The following TMEM92 variants were observed in gnomAD, a reference collection of about 807,000 sequenced individuals.
TMEM92 encodes transmembrane protein 92.
A neutral mutation model predicts 14.6 loss-of-function variants in TMEM92; 15 were observed. The observed-to-expected ratio is 1.03, with a 90% CI of 0.69 to 1.58. The LOEUF (loss-of-function observed/expected upper bound fraction) is 1.58. Among genes scored for constraint, TMEM92 ranks in the 40% most tolerant of loss-of-function variants. TMEM92 has a pLI of 0.00. For synonymous variants in TMEM92, 85 were observed against 83.3 expected, an observed-to-expected ratio of 1.02 and a Z score of -0.11; for missense variants, 174 against 202.4, an observed-to-expected ratio of 0.86 and a Z score of 0.85.
At chr17:50,278,466 T>G in intron 2 of TMEM92, 90 bp from the exon 3 acceptor site, 12 of 1,414,162 alleles carry the variant, frequency 8.5e-6, no homozygotes, top group East Asian at 2.3e-5. Flanking sequence ...ATGAGCATCT[T>G]GGGTGTATTT....
Position 50,278,557 on chromosome 17 carries a change from GCCTGC to G in TMEM92, c.100_104del (p.Cys34GlnfsTer8). On this transcript the variant is annotated frameshift_variant and splice_region_variant, in exon 3 of 5. Coordinates refer to ENST00000507382, the MANE Select transcript of TMEM92 (RefSeq NM_153229.3). LOFTEE classifies it high-confidence loss of function. ...CCCTTTTCTGTGCCCTCTGACCAGT[GCCTGC>G]CCCAAAGGATTCAAATGCTGTGGTG... is the stretch of plus-strand genomic sequence containing the variant. 6.2e-7 allele frequency: 1 copy of G among 1,613,988 alleles called. No individual in the cohort carries two copies. The highest frequency in any genetic ancestry group is 2.2e-5 in the East Asian group (1 of 44,856).
chr17:50,276,792 G>C (rs138490328), intron 1 of TMEM92, among the ~76,000 whole-genome samples: 16 of 152,256 alleles, frequency 1.1e-4, no homozygotes, highest in Non-Finnish European at 2.2e-4. Context: ...CTGCCCTCGC[G>C]GAGTTTGCCT....
chr17:50,278,378 A>T (rs955977406), intron 2 of TMEM92, among the ~76,000 whole-genome samples, 178 bp from the exon 3 acceptor site: 2 of 152,048 alleles, frequency 1.3e-5, no homozygotes, highest in African/African-American at 4.8e-5. Context: ...ACAAGTGCAC[A>T]CGCCCTTCCC....
chr17:50,278,662 T>G, intron 3 of TMEM92, 32 bp downstream of exon 3: 1 of 1,608,922 alleles, frequency 6.2e-7, no homozygotes, highest in South Asian at 1.1e-5. Context: ...TTGGGTGCAG[T>G]CCTTGGAGGG....
At chr17:50,274,625 G>C in intron 1 of TMEM92, 55 bp downstream of exon 1, 1 of 1,510,556 alleles carries the variant, frequency 6.6e-7, no homozygotes, top group Non-Finnish European at 9.1e-7. Context: ...TGTAGGTCAG[G>C]AGCCTGCTTC....
At chr17:50,275,608 A>G (rs1910405287) in intron 1 of TMEM92, among the ~76,000 whole-genome samples, 1 of 152,136 alleles carries the variant, frequency 6.6e-6, no homozygotes, top group African/African-American at 2.4e-5. Context: ...ACCCCAGACA[A>G]GACTACCCCC....
chr17:50,278,643 C>T lies in TMEM92; in HGVS notation c.170+13C>T. ...CTGGCCCCGTGAGGTGAGCCCAGGG[C>T]CAGCTCCTTTGGGTGCAGTCCTTGG... On this transcript the variant is annotated intron_variant, in intron 3 of 4. Coordinates refer to ENST00000507382, the MANE Select transcript of TMEM92 (RefSeq NM_153229.3). 6 of 1,613,036 alleles carry T rather than the reference C, an allele frequency of 3.7e-6. No individual in the cohort carries two copies. The highest frequency in any genetic ancestry group is 5.1e-6 in the Non-Finnish European group (6 of 1,179,594).
At chr17:50,279,035 G>T (rs201453431) in intron 4 of TMEM92, 39 bp downstream of exon 4, 1 of 1,488,502 alleles carries the variant, frequency 6.7e-7, no homozygotes, top group Non-Finnish European at 9.3e-7. Flanking sequence ...GCCTCTGGCC[G>T]GCTGTGCAGC....
At position 50,279,669 on chromosome 17, in the gene TMEM92, T is replaced by G; in HGVS notation, c.*361T>G. 3.2e-6 allele frequency: 1 copy of G among 308,082 alleles called. No individual in the cohort carries two copies. Among genetic ancestry groups the G allele is most frequent in the South Asian group, 2.7e-5 (1 of 37,004 alleles). The allele number at this position is 308,082 out of a possible 1,614,324, so 19.1% of individuals were successfully genotyped here. A position where few individuals can be genotyped will look rare whatever the true frequency, so the allele number is the denominator to read the frequency against. On this transcript the variant is annotated 3_prime_UTR_variant, in exon 5 of 5. Transcript: ENST00000507382. Reference sequence around the variant, plus strand: ...CTGGACAGCCAGCTCTGAGATTTTATCAGGGCACTTCTATACCTGTGGGAC... The same window carrying G: ...CTGGACAGCCAGCTCTGAGATTTTAGCAGGGCACTTCTATACCTGTGGGAC...
rs1412814793 is a variant in TMEM92, at chr17:50,274,533, C to T, written c.32C>T (p.Pro11Leu). Residue 11 changes from proline to leucine, a missense_variant, in exon 1 of 5, where the codon CCC (proline) becomes CTC (leucine). Pro to Leu is a moderately conservative substitution (Grantham distance 98, BLOSUM62 -3). Transcript: ENST00000507382. Reference protein sequence around the residue: MSQAWVPGLAPTLLFSLLAGP... With the variant: MSQAWVPGLALTLLFSLLAGP... ...CAAGCTTGGGTCCCCGGCCTCGCGC[C>T]CACCTTGCTGTTCAGCCTGCTGGCT... is the stretch of plus-strand genomic sequence containing the variant. 8 of 1,613,946 alleles carry T rather than the reference C, an allele frequency of 5.0e-6. No homozygotes were observed. In the East Asian group the frequency reaches 8.9e-5, roughly 18 times the overall value.
rs147413045 is a variant in TMEM92, at chr17:50,278,320, C to T, written c.96-236C>T. Among the ~76,000 whole-genome samples, 84 of 152,258 alleles carry T rather than the reference C, an allele frequency of 5.5e-4. 2 individuals carry two copies. Among genetic ancestry groups the T allele is most frequent in the Admixed American group, 3.9e-3 (59 of 15,304 alleles). On this transcript the variant is annotated intron_variant, in intron 2 of 4. Transcript: ENST00000507382. Reference sequence around the variant, plus strand: ...AGGTCAACAGGATACTTCTTCTACCCGTGTTACAGATGAGGGGCGTGGGGC... The same window carrying T: ...AGGTCAACAGGATACTTCTTCTACCTGTGTTACAGATGAGGGGCGTGGGGC...
intron 1 of TMEM92, among the ~76,000 whole-genome samples, chr17:50,275,928 A>G (rs1910416077): frequency 6.6e-6 from 1 of 152,080 alleles, no homozygotes; most frequent in African/African-American, 2.4e-5. Context: ...TCGTGAGGTC[A>G]GGAGTTTCAG....
chr17:50,272,657 A>C (rs1317818416), upstream of TMEM92, among the ~76,000 whole-genome samples: 1 of 152,156 alleles, frequency 6.6e-6, no homozygotes, highest in African/African-American at 2.4e-5. Flanking sequence ...GGAGACTAGA[A>C]GATTATCTTC....
At chr17:50,273,245 C>T (rs1024742540), upstream of TMEM92, among the ~76,000 whole-genome samples, 2 of 152,192 alleles carry the variant, frequency 1.3e-5, no homozygotes, top group Non-Finnish European at 2.9e-5. Context: ...CTGCCTCGCC[C>T]TCGCCCAGCG....
At chr17:50,278,772 C>T (rs758546288) in intron 3 of TMEM92, 29 bp from the exon 4 acceptor site, 2 of 1,589,764 alleles carry the variant, frequency 1.3e-6, no homozygotes, top group South Asian at 1.1e-5. Flanking sequence ...CCTGGGGACT[C>T]AGGGTACTCT....
chr17:50,277,945 T>G (rs1910484049), intron 2 of TMEM92, among the ~76,000 whole-genome samples: 1 of 152,110 alleles, frequency 6.6e-6, no homozygotes, highest in Non-Finnish European at 1.5e-5. Flanking sequence ...ACTTCCACAC[T>G]TGCAGGCAGG....
intron 2 of TMEM92, 80 bp downstream of exon 2, chr17:50,277,820 G>A: frequency 1.9e-6 from 3 of 1,571,690 alleles, no homozygotes; most frequent in South Asian, 2.2e-5. Flanking sequence ...CTTGGGGGGT[G>A]TGGGAGGCCA....
chr17:50,277,247 GA>G (rs1410301032), intron 1 of TMEM92, among the ~76,000 whole-genome samples: 5 of 152,146 alleles, frequency 3.3e-5, no homozygotes, highest in Admixed American at 3.3e-4. Context: ...AGCGAAAGGG[GA>G]GGGAGTGCAG....
At chr17:50,276,681 C>T (rs751864967) in intron 1 of TMEM92, among the ~76,000 whole-genome samples, 2 of 152,166 alleles carry the variant, frequency 1.3e-5, no homozygotes, top group African/African-American at 2.4e-5. Flanking sequence ...AGTCTGGGAG[C>T]AGCCAGGATG....
Sources: allele counts gnomAD v4.1 joint callset (sites outside exome capture counted in the v4.1 genomes callset), GRCh38; gene constraint gnomAD v4.1.1; transcripts MANE v1.5; gene names NCBI Gene and HGNC (gene_info 2026-07-23, HGNC 2026-07-21).